Variants in MYEF2 observed in about 807,000 individuals in gnomAD.
MYEF2 encodes the protein myelin gene expression factor 2.
Under a neutral mutation model 75.2 loss-of-function variants are expected in MYEF2, and 37 were observed. The ratio of observed to expected loss-of-function variants is 0.49; its 90% CI spans 0.38 to 0.65. MYEF2 has a LOEUF of 0.65. MYEF2 is among the 30% of genes least tolerant of loss of function. The probability of loss-of-function intolerance (pLI) is 0.00; values close to 1 mark genes in which losing one functional copy is unlikely to be tolerated. For synonymous variants in MYEF2, 195 were observed against 241.6 expected, an observed-to-expected ratio of 0.81 and a Z score of 1.79; for missense variants, 634 against 771.4, an observed-to-expected ratio of 0.82 and a Z score of 2.11.
intron 1 of MYEF2, among the ~76,000 whole-genome samples, chr15:48,176,304 T>A (rs1028196378): frequency 1.3e-5 from 2 of 151,538 alleles, no homozygotes; most frequent in African/African-American, 4.9e-5. Context: ...AATCTTCTTA[T>A]GGAATAGACA....
intron 16 of MYEF2, 82 bp downstream of exon 16, chr15:48,148,950 T>C: frequency 7.0e-7 from 1 of 1,424,394 alleles, no homozygotes; most frequent in Non-Finnish European, 9.9e-7. Flanking sequence ...CAGGCAAAGG[T>C]CTAAACACAG....
rs781324624 is a variant in MYEF2, at chr15:48,151,095, C to A, written c.1378+5G>T. 1 of 1,591,542 alleles carries A rather than the reference C, an allele frequency of 6.3e-7. No homozygotes were observed. Among genetic ancestry groups the A allele is most frequent in the African/African-American group, 1.4e-5 (1 of 73,732 alleles). On this transcript the variant is annotated splice_donor_5th_base_variant and intron_variant, in intron 14 of 16. Coordinates refer to ENST00000324324, the MANE Select transcript of MYEF2 (RefSeq NM_016132.5). Reference sequence around the variant, plus strand: ...TGAATAAATTCTAGTAAAATTTAAACCTACTTATTCCAGATCCTACTGGAC... The same window carrying A: ...TGAATAAATTCTAGTAAAATTTAAAACTACTTATTCCAGATCCTACTGGAC...
At chr15:48,177,345 A>G (rs546285229) in intron 1 of MYEF2, among the ~76,000 whole-genome samples, 1 of 152,252 alleles carries the variant, frequency 6.6e-6, no homozygotes, top group African/African-American at 2.4e-5. Flanking sequence ...GGGAAAAAAA[A>G]AATCTTAACC....
rs766871727 is a variant in MYEF2 at position 48,142,179 on chromosome 15, C to G, written c.*729G>C. The stretch of plus-strand genomic sequence containing the variant: ...AGAGGACTAACTTACATAACCATCT[C>G]TCTCAACATTTCAATTATTTTTCTT... On this transcript the variant is annotated 3_prime_UTR_variant, in exon 17 of 17. Transcript: ENST00000324324. 6.2e-7 allele frequency: 1 copy of G among 1,613,842 alleles called. No individual in the cohort carries two copies. Among genetic ancestry groups the G allele is most frequent in the South Asian group, 1.1e-5 (1 of 91,068 alleles).
chr15:48,161,210 A>G (rs1332990922), intron 5 of MYEF2, among the ~76,000 whole-genome samples: 2 of 152,110 alleles, frequency 1.3e-5, no homozygotes, highest in Non-Finnish European at 2.9e-5. Flanking sequence ...CACCTACTAT[A>G]TAACATGACT....
chr15:48,177,958 C>T (rs2140959009), intron 1 of MYEF2, 119 bp downstream of exon 1: 1 of 1,347,858 alleles, frequency 7.4e-7, no homozygotes. Context: ...GCCGATGGCC[C>T]GGGGGCGGGC....
chr15:48,150,690 C>G (rs2039459559), intron 14 of MYEF2, among the ~76,000 whole-genome samples: 1 of 151,906 alleles, frequency 6.6e-6, no homozygotes, highest in South Asian at 2.1e-4. Context: ...CCTAAGAGTG[C>G]TATATCTGCA....
rs2038903899 is a variant in MYEF2 at position 48,136,507 on chromosome 15, C to T, written c.*6401G>A. ...GAAGTGTCCAGCTTTTATCAATAAA[C>T]ATAATAATGCTGTAATCAAGTCTGG... is the stretch of plus-strand genomic sequence containing the variant. On this transcript the variant is annotated 3_prime_UTR_variant, in exon 17 of 17. Transcript: ENST00000324324. The T allele has an allele frequency of 2.1e-6, 1 of 481,810 alleles. No homozygotes were observed. The highest frequency in any genetic ancestry group is 3.5e-6 in the Non-Finnish European group (1 of 289,256). The allele number at this position is 481,810 out of a possible 1,614,324, so 29.8% of individuals were successfully genotyped here.
chr15:48,176,485 AC>A (rs988638130), intron 1 of MYEF2, among the ~76,000 whole-genome samples: 1 of 152,172 alleles, frequency 6.6e-6, no homozygotes, highest in African/African-American at 2.4e-5. Flanking sequence ...TTCTTTCTCC[AC>A]CTTTCTCCTT....
chr15:48,145,174 T>C (rs2039234933), intron 16 of MYEF2, among the ~76,000 whole-genome samples: 1 of 151,856 alleles, frequency 6.6e-6, no homozygotes, highest in South Asian at 2.1e-4. Context: ...GTTCAAGCTA[T>C]ATGGACAGTA....
rs763277776 is a variant in MYEF2, at chr15:48,135,809, A to T, written c.*7099T>A. 2.0e-5 allele frequency: 3 copies of T among 152,122 alleles called. No individual in the cohort carries two copies. Among genetic ancestry groups the T allele is most frequent in the Non-Finnish European group, 4.4e-5 (3 of 68,012 alleles). 9.4% of individuals were successfully genotyped at this position (152,122 alleles called of 1,614,324 possible). ...AAACTTAAAACCTAGCCAGAAGCATAATTTCTAAACTAATCATCCTGTCCT... is the reference window on the plus strand; with the variant it reads ...AAACTTAAAACCTAGCCAGAAGCATTATTTCTAAACTAATCATCCTGTCCT... On this transcript the variant is annotated 3_prime_UTR_variant, in exon 17 of 17. Coordinates refer to ENST00000324324, the MANE Select transcript of MYEF2 (RefSeq NM_016132.5).
intron 14 of MYEF2, among the ~76,000 whole-genome samples, chr15:48,150,618 G>A (rs1032966533): frequency 6.6e-6 from 1 of 152,032 alleles, no homozygotes; most frequent in Non-Finnish European, 1.5e-5. Context: ...TACGGGAAAG[G>A]TTCAAGAGGA....
intron 9 of MYEF2, among the ~76,000 whole-genome samples, chr15:48,156,458 GAACAAA>G (rs2039700050): frequency 6.7e-6 from 1 of 150,244 alleles, no homozygotes; most frequent in East Asian, 2.0e-4. Context: ...ATTTGAAAAT[GAACAAA>G]AACAGAAAAA....
At chr15:48,157,168 T>C (rs965832415) in intron 9 of MYEF2, 3 of 152,106 alleles carry the variant, frequency 2.0e-5, no homozygotes, top group East Asian at 3.8e-4. Flanking sequence ...GTTTACATTA[T>C]GCCAAAATGA....
At chr15:48,146,390 G>A (rs1463644378) in intron 16 of MYEF2, among the ~76,000 whole-genome samples, 2 of 151,898 alleles carry the variant, frequency 1.3e-5, no homozygotes, top group Non-Finnish European at 2.9e-5. Context: ...ACCTTTAGGG[G>A]CTTGATGGAA....
At position 48,139,123 on chromosome 15, in the gene MYEF2, A is replaced by C; in HGVS notation, c.*3785T>G. ...TTGTGATAACCTTTTTCATGTCTGC[A>C]ATATGGATATCCGCATTTACATATA... On this transcript the variant is annotated 3_prime_UTR_variant, in exon 17 of 17. Coordinates refer to ENST00000324324, the MANE Select transcript of MYEF2 (RefSeq NM_016132.5). 6.2e-7 allele frequency: 1 copy of C among 1,613,118 alleles called. No homozygotes were observed.
At chr15:48,168,608 T>G (rs758346091) in intron 2 of MYEF2, 23 bp downstream of exon 2, 1 of 1,579,058 alleles carries the variant, frequency 6.3e-7, no homozygotes, top group South Asian at 1.1e-5. Flanking sequence ...TATCCAACAG[T>G]GGGTTATTTC....
intron 12 of MYEF2, 105 bp downstream of exon 12, chr15:48,151,769 C>T: frequency 5.8e-6 from 8 of 1,371,636 alleles, no homozygotes; most frequent in South Asian, 1.2e-5. Flanking sequence ...GCCTATATGC[C>T]TTCTGAAGAC....
rs774639721 is a variant in MYEF2 at position 48,158,000 on chromosome 15, T to C, written c.978A>G (p.Gln326=). The change falls in exon 9 of 17, where the codon CAA becomes CAG. Residue 326 remains glutamine (Q), a synonymous_variant. Transcript: ENST00000324324. Reference sequence around the variant, plus strand: ...ATAATAGCTTTTACTTACGTGGTAATTGTGGTGTTTTACCATCATGTGAAC... The same window carrying C: ...ATAATAGCTTTTACTTACGTGGTAACTGTGGTGTTTTACCATCATGTGAAC... The part of the protein sequence containing the change: ...EYRSHDGKTP[Q]LPRGLGGIGM... The C allele has an allele frequency of 8.2e-5, 132 of 1,612,888 alleles. No individual in the cohort carries two copies. Among genetic ancestry groups the C allele is most frequent in the Non-Finnish European group, 1.1e-4 (125 of 1,179,322 alleles).
Sources: gnomAD v4.1 joint callset for allele counts (sites outside exome capture counted in the v4.1 genomes callset) on GRCh38, gnomAD v4.1.1 for gene constraint, MANE v1.5 for transcripts, NCBI Gene and HGNC (gene_info 2026-07-23, HGNC 2026-07-21) for gene names.